PDZRN3: variants seen among roughly 807,000 people sequenced by gnomAD.
The protein encoded by PDZRN3 is E3 ubiquitin-protein ligase PDZRN3.
Under a neutral mutation model 85.7 loss-of-function variants are expected in PDZRN3, and 38 were observed. That is an observed-to-expected ratio of 0.44 (90% CI 0.34 to 0.58). PDZRN3 has a LOEUF of 0.58. PDZRN3 is among the 20% of genes least tolerant of loss of function. PDZRN3 has a pLI of 0.01. For synonymous variants in PDZRN3, 759 were observed against 638.0 expected, an observed-to-expected ratio of 1.19 and a Z score of -2.86; for missense variants, 1,629 against 1,506.4, an observed-to-expected ratio of 1.08 and a Z score of -1.35.
intron 3 of PDZRN3, among the ~76,000 whole-genome samples, chr3:73,409,645 C>T (rs141265655): frequency 6.6e-6 from 1 of 152,094 alleles, no homozygotes; most frequent in African/African-American, 2.4e-5. Flanking sequence ...AGACTACACA[C>T]GATGGAATGC....
Position 73,383,626 on chromosome 3 carries a change from C to A in PDZRN3, c.2940G>T (p.Gln980His), listed in dbSNP as rs1448703193. Residue 980 changes from glutamine (Q) to histidine (H), a missense_variant, in exon 10 of 10, where the codon CAG becomes CAT. By Grantham distance (24) the Gln-to-His change is conservative. Coordinates refer to ENST00000263666, the MANE Select transcript of PDZRN3 (RefSeq NM_015009.3). ...GRYWSKEERK[Q>H]HLVKAKEQRR... ...GCTGCTCCTTGGCCTTCACCAGGTGCTGCTTCCTCTCCTCCTTGCTCCAGT... is the reference window on the plus strand; with the variant it reads ...GCTGCTCCTTGGCCTTCACCAGGTGATGCTTCCTCTCCTCCTTGCTCCAGT... 3 of 1,613,882 alleles carry A rather than the reference C, an allele frequency of 1.9e-6. No individual in the cohort carries two copies. Among genetic ancestry groups the A allele is most frequent in the Non-Finnish European group, 2.5e-6 (3 of 1,180,040 alleles).
chr3:73,598,602 G>A (rs1430957102), intron 3 of PDZRN3, among the ~76,000 whole-genome samples: 4 of 152,158 alleles, frequency 2.6e-5, no homozygotes, highest in African/African-American at 9.7e-5. Context: ...TGGACACACA[G>A]GATTCCAGGG....
At chr3:73,440,423 C>T (rs1299190454) in intron 3 of PDZRN3, among the ~76,000 whole-genome samples, 2 of 152,190 alleles carry the variant, frequency 1.3e-5, no homozygotes, top group Non-Finnish European at 2.9e-5. Flanking sequence ...GGCCAGAATA[C>T]AGGCATCCCT....
At chr3:73,385,808 C>T in intron 8 of PDZRN3, 23 bp from the exon 9 acceptor site, 1 of 1,326,038 alleles carries the variant, frequency 7.5e-7, no homozygotes, top group Non-Finnish European at 1.1e-6. Context: ...GCAGCCAACA[C>T]ATGCCTTAGA....
chr3:73,388,731 C>T (rs756168559), intron 7 of PDZRN3, among the ~76,000 whole-genome samples: 6 of 151,804 alleles, frequency 4.0e-5, no homozygotes, highest in Non-Finnish European at 7.4e-5. Flanking sequence ...CCATATGCCT[C>T]CTTACACTAG....
intron 3 of PDZRN3, among the ~76,000 whole-genome samples, chr3:73,572,123 A>G (rs979158852): frequency 2.0e-5 from 3 of 152,220 alleles, no homozygotes; most frequent in Non-Finnish European, 4.4e-5. Context: ...GGTGGAATTC[A>G]GGTGTCCAAA....
chr3:73,529,364 C>T (rs1228736774), intron 3 of PDZRN3, among the ~76,000 whole-genome samples: 1 of 152,188 alleles, frequency 6.6e-6, no homozygotes, highest in Non-Finnish European at 1.5e-5. Context: ...CAAACAAACA[C>T]CTGCCTCTAT....
At chr3:73,546,939 G>A (rs192321652) in intron 3 of PDZRN3, among the ~76,000 whole-genome samples, 5 of 152,172 alleles carry the variant, frequency 3.3e-5, no homozygotes, top group Admixed American at 2.6e-4. Flanking sequence ...GGAAGATGAG[G>A]TGAGAACTCC....
At chr3:73,474,391 G>A (rs1285563151) in intron 3 of PDZRN3, 1 of 950,604 alleles carries the variant, frequency 1.1e-6, no homozygotes, top group Non-Finnish European at 1.4e-6. Flanking sequence ...TGTATAATGA[G>A]CAAATACAAT....
chr3:73,592,702 T>C (rs1369549472), intron 3 of PDZRN3, among the ~76,000 whole-genome samples: 4 of 152,254 alleles, frequency 2.6e-5, no homozygotes, highest in East Asian at 1.9e-4. Flanking sequence ...AAAGTAATCA[T>C]TAATCCTCAT....
Position 73,404,223 on chromosome 3 carries a change from A to T in PDZRN3, c.1091T>A (p.Phe364Tyr), listed in dbSNP as rs1385210164. Residue 364 changes from phenylalanine (F) to tyrosine (Y), a missense_variant, in exon 4 of 10, where the codon TTT (phenylalanine) becomes TAT (tyrosine). Phe to Tyr is a conservative substitution (Grantham distance 22). Coordinates refer to ENST00000263666, the MANE Select transcript of PDZRN3 (RefSeq NM_015009.3). ...VDTGTQTDIT[F>Y]EHIMALTKMS... ...CTTAGTGAGGGCCATGATATGTTCA[A>T]AGGTGATGTCGGTTTGGGTTCCCGT... 6.2e-7 allele frequency: 1 copy of T among 1,613,974 alleles called. No individual in the cohort carries two copies. Among genetic ancestry groups the T allele is most frequent in the Non-Finnish European group, 8.5e-7 (1 of 1,180,020 alleles).
chr3:73,610,223 T>C (rs1702662009), intron 1 of PDZRN3, among the ~76,000 whole-genome samples: 1 of 152,220 alleles, frequency 6.6e-6, no homozygotes, highest in Non-Finnish European at 1.5e-5. Flanking sequence ...ACAGCATTCA[T>C]TTCTTAAGAG....
chr3:73,386,842 A>G (rs1701403044), intron 8 of PDZRN3, among the ~76,000 whole-genome samples: 1 of 128,034 alleles, frequency 7.8e-6, no homozygotes, highest in Non-Finnish European at 1.6e-5. Flanking sequence ...GATGCCCCGT[A>G]TGCCACTGTC....
At chr3:73,488,998 C>T (rs986402208) in intron 3 of PDZRN3, among the ~76,000 whole-genome samples, 1 of 152,198 alleles carries the variant, frequency 6.6e-6, no homozygotes, top group Non-Finnish European at 1.5e-5. Context: ...CCTAACGCAT[C>T]CTGGCACATT....
intron 3 of PDZRN3, among the ~76,000 whole-genome samples, chr3:73,600,603 T>C (rs1404975275): frequency 6.6e-6 from 1 of 152,292 alleles, no homozygotes; most frequent in Non-Finnish European, 1.5e-5. Flanking sequence ...AAAATAGGAA[T>C]GTGACTTACC....
chr3:73,436,890 C>CA (rs1330492833), intron 3 of PDZRN3, among the ~76,000 whole-genome samples: 1 of 151,590 alleles, frequency 6.6e-6, no homozygotes, highest in Non-Finnish European at 1.5e-5. Context: ...TACTAAAATA[C>CA]AAAAAATTAG....
At chr3:73,410,595 T>C (rs2054860) in intron 3 of PDZRN3, among the ~76,000 whole-genome samples, 105,116 of 152,118 alleles carry the variant, frequency 0.69, 36,435 homozygotes, top group East Asian at 0.86. Context: ...TGGGTAATTT[T>C]CTTGTTAGAA....
At chr3:73,478,002 T>C (rs1703491636) in intron 3 of PDZRN3, among the ~76,000 whole-genome samples, 1 of 151,976 alleles carries the variant, frequency 6.6e-6, no homozygotes, top group African/African-American at 2.4e-5. Flanking sequence ...TCCCACTGGG[T>C]CCCTCCCAAG....
chr3:73,426,792 C>A (rs1029112834), intron 3 of PDZRN3, among the ~76,000 whole-genome samples: 1 of 152,070 alleles, frequency 6.6e-6, no homozygotes, highest in Admixed American at 6.5e-5. Context: ...AGCTCTGGGG[C>A]GGGGCCTGAG....
Sources: gnomAD v4.1 joint callset for allele counts (sites outside exome capture counted in the v4.1 genomes callset) on GRCh38, gnomAD v4.1.1 for gene constraint, MANE v1.5 for transcripts, NCBI Gene and HGNC (gene_info 2026-07-23, HGNC 2026-07-21) for gene names.